UPP1: variants seen among roughly 807,000 people sequenced by gnomAD.
The protein encoded by UPP1 is UPase 1.
In UPP1, 25 loss-of-function variants were observed where a neutral mutation model predicts 29.6. The ratio of observed to expected loss-of-function variants is 0.85; its 90% CI spans 0.62 to 1.18. The LOEUF (loss-of-function observed/expected upper bound fraction) is 1.18, where lower values mean the gene tolerates loss of function less well. UPP1 is among the 50% of genes most tolerant of loss of function. The pLI is 0.00. For missense variants in UPP1, 368 were observed against 410.4 expected (o/e 0.90, Z 0.89); for synonymous variants, 165 against 159.8 (o/e 1.03, Z -0.25).
At chr7:48,103,020 A>G (rs535515949) in intron 5 of UPP1, among the ~76,000 whole-genome samples, 50 of 152,322 alleles carry the variant, frequency 3.3e-4, no homozygotes, top group African/African-American at 1.1e-3. Context: ...TTACCTGGCA[A>G]TAGCAGACTG....
In UPP1 at chr7:48,107,593, G is replaced by A. The variant is rs548661527; in HGVS notation, c.793+86G>A. On this transcript the variant is annotated intron_variant, in intron 8 of 8. Coordinates refer to ENST00000395564, the MANE Select transcript of UPP1 (RefSeq NM_003364.4). ...CCCCTCGCTGGGGCCCCTCCTCCTG[G>A]GGCACCCCGATACCCATTTCTGGTT... 117 of 1,479,198 alleles carry A rather than the reference G, an allele frequency of 7.9e-5. No individual in the cohort carries two copies. In the South Asian group the frequency reaches 1.4e-3, roughly 17 times the overall value. 91.6% of individuals were successfully genotyped at this position (1,479,198 alleles called of 1,614,324 possible). A position where few individuals can be genotyped will look rare whatever the true frequency, so the allele number is the denominator to read the frequency against.
chr7:48,098,416 T>C (rs1269754879), intron 3 of UPP1, among the ~76,000 whole-genome samples: 1 of 152,218 alleles, frequency 6.6e-6, no homozygotes, highest in Non-Finnish European at 1.5e-5. Flanking sequence ...GTTTTTCTTG[T>C]CTGTGGTGTG....
intron 6 of UPP1, 23 bp from the exon 7 acceptor site, chr7:48,106,850 T>C (rs757793075): frequency 6.2e-7 from 1 of 1,612,624 alleles, no homozygotes; most frequent in South Asian, 1.1e-5. Context: ...CCTGCATATC[T>C]TGATGTCTGC....
rs541853152 is a variant in UPP1, at chr7:48,094,927, A to G, written c.44+100A>G. On this transcript the variant is annotated intron_variant, in intron 3 of 8. Transcript: ENST00000395564. The stretch of plus-strand genomic sequence containing the variant: ...TTTTCTAAGGACTTGACATATATTA[A>G]CACATTTGATGCTTGTGAAAGAGAC... 6.6e-6 allele frequency: 9 copies of G among 1,355,442 alleles called. No individual in the cohort carries two copies. In the African/African-American group the frequency reaches 1.1e-4, roughly 17 times the overall value. The allele number at this position is 1,355,442 out of a possible 1,614,324, so 84.0% of individuals were successfully genotyped here. A position where few individuals can be genotyped will look rare whatever the true frequency, so the allele number is the denominator to read the frequency against.
At chr7:48,095,322 A>T (rs1375261991) in intron 3 of UPP1, among the ~76,000 whole-genome samples, 1 of 151,434 alleles carries the variant, frequency 6.6e-6, no homozygotes, top group Non-Finnish European at 1.5e-5. Flanking sequence ...GATTATTCTT[A>T]TTTTCTCACC....
chr7:48,107,213 G>C (rs1179551350), intron 7 of UPP1, 131 bp downstream of exon 7: 2 of 1,410,228 alleles, frequency 1.4e-6, no homozygotes, highest in African/African-American at 1.4e-5. Context: ...CGCCCAGAGT[G>C]GTTATAATGA....
chr7:48,103,492 C>A, intron 6 of UPP1, 81 bp downstream of exon 6: 1 of 1,225,064 alleles, frequency 8.2e-7, no homozygotes, highest in Non-Finnish European at 1.2e-6. Context: ...CATGGTGTGG[C>A]ATTAGAGACA....
intron 2 of UPP1, among the ~76,000 whole-genome samples, chr7:48,093,453 C>T (rs1020970413): frequency 2.6e-5 from 4 of 152,328 alleles, no homozygotes; most frequent in East Asian, 1.9e-4. Flanking sequence ...AGACCCAGTG[C>T]TTCACTCTCT....
At chr7:48,103,778 G>A (rs1323497527) in intron 6 of UPP1, 17 of 1,292,028 alleles carry the variant, frequency 1.3e-5, no homozygotes, top group Middle Eastern at 2.1e-4. Flanking sequence ...CCCTAATCCT[G>A]CAGGGATTTT....
intron 1 of UPP1, 30 bp from the exon 2 acceptor site, chr7:48,090,158 T>C (rs1440359591): frequency 6.6e-6 from 1 of 152,246 alleles, no homozygotes; most frequent in Non-Finnish European, 1.5e-5. Flanking sequence ...ACGATTCTTT[T>C]ATATGGCAAC....
At chr7:48,100,686 C>T (rs1382853811) in intron 4 of UPP1, among the ~76,000 whole-genome samples, 8 of 152,152 alleles carry the variant, frequency 5.3e-5, no homozygotes, top group Non-Finnish European at 8.8e-5. Context: ...GAATCCAGTG[C>T]TGCTACATGG....
chr7:48,103,706 C>A, intron 6 of UPP1: 1 of 1,258,622 alleles, frequency 7.9e-7, no homozygotes, highest in Admixed American at 2.5e-5. Flanking sequence ...TTGATTCTGT[C>A]TTATTCTTTC....
chr7:48,101,785 GACAGTGC>G lies in UPP1; in HGVS notation c.163-36_163-30del, dbSNP rs780753484. The G allele has an allele frequency of 2.1e-5, 33 of 1,605,456 alleles. No individual in the cohort carries two copies. The Admixed American group carries it at 3.7e-4, about 18-fold the overall frequency. ...GCCCCACTTGAGGACCTCTGCTATAGACAGTGCACTAATGGGGGTCTCTCTTCTCTGG... is the reference window on the plus strand; with the variant it reads ...GCCCCACTTGAGGACCTCTGCTATAGACTAATGGGGGTCTCTCTTCTCTGG... On this transcript the variant is annotated intron_variant, in intron 4 of 8. Transcript: ENST00000395564.
At chr7:48,106,107 A>G (rs946659725) in intron 6 of UPP1, 1 of 152,336 alleles carries the variant, frequency 6.6e-6, no homozygotes. Context: ...GTGGGACTTC[A>G]TTATACTGTT....
At chr7:48,101,141 C>T (rs928339831) in intron 4 of UPP1, among the ~76,000 whole-genome samples, 7 of 152,152 alleles carry the variant, frequency 4.6e-5, no homozygotes, top group African/African-American at 1.7e-4. Flanking sequence ...CGCCTGACCT[C>T]AGGTGATCTG....
chr7:48,099,755 C>A lies in UPP1; in HGVS notation c.130C>A (p.His44Asn), dbSNP rs1583867950. The A allele has an allele frequency of 6.2e-7, 1 of 1,613,124 alleles. No individual in the cohort carries two copies. The highest frequency in any genetic ancestry group is 2.2e-5 in the East Asian group (1 of 44,878). Residue 44 changes from histidine (H) to asparagine (N), a missense_variant, in exon 4 of 9, where the codon CAC (histidine) becomes AAC (asparagine). Coordinates refer to ENST00000395564, the MANE Select transcript of UPP1 (RefSeq NM_003364.4). ...TCATTTCAATCTCACCACTAGCAGA[C>A]ACAATTTCCCAGCCTTGTTTGGAGA... ...LYHFNLTTSR[H>N]NFPALFGDVK... is the part of the protein sequence containing the mutation.
chr7:48,101,662 A>G (rs563405226), intron 4 of UPP1, among the ~76,000 whole-genome samples, 162 bp from the exon 5 acceptor site: 18 of 152,278 alleles, frequency 1.2e-4, no homozygotes, highest in African/African-American at 4.1e-4. Context: ...TTGTTAAAGC[A>G]GATTCCTGGG....
chr7:48,090,925 T>C (rs1352264034), intron 2 of UPP1, among the ~76,000 whole-genome samples: 2 of 152,234 alleles, frequency 1.3e-5, no homozygotes, highest in Non-Finnish European at 2.9e-5. Context: ...TCATGTTTCA[T>C]TTAAGAAGGA....
At chr7:48,097,117 A>G (rs549443829) in intron 3 of UPP1, among the ~76,000 whole-genome samples, 1 of 152,362 alleles carries the variant, frequency 6.6e-6, no homozygotes, top group African/African-American at 2.4e-5. Context: ...TGTGTAGACT[A>G]GAGAAATATT....
Sources: allele counts gnomAD v4.1 joint callset (sites outside exome capture counted in the v4.1 genomes callset), GRCh38; gene constraint gnomAD v4.1.1; transcripts MANE v1.5; gene names NCBI Gene and HGNC (gene_info 2026-07-23, HGNC 2026-07-21).